The following TLN2 variants were observed in gnomAD, a reference collection of about 807,000 sequenced individuals.
TLN2 encodes the protein talin-2.
In TLN2, 118 loss-of-function variants were observed where a neutral mutation model predicts 294.7. The ratio of observed to expected loss-of-function variants is 0.40; its 90% confidence interval spans 0.34 to 0.47. The LOEUF (loss-of-function observed/expected upper bound fraction) is 0.47. Ranked by LOEUF, TLN2 falls within the 20% of genes least tolerant of loss-of-function variation. TLN2 has a pLI of 0.84. For missense variants in TLN2, 3,083 were observed against 3,282.2 expected, an observed-to-expected ratio of 0.94 and a Z score of 1.48; for synonymous variants, 1,431 against 1,304.5, an observed-to-expected ratio of 1.10 and a Z score of -2.09.
At chr15:62,485,033 A>C (rs2038315159) in intron 1 of TLN2, among the ~76,000 whole-genome samples, 1 of 152,012 alleles carries the variant, frequency 6.6e-6, no homozygotes. Context: ...AGCCTGCATC[A>C]CTCAGCTGGG....
intron 43 of TLN2, among the ~76,000 whole-genome samples, chr15:62,780,503 C>T (rs2064068313): frequency 6.6e-6 from 1 of 152,188 alleles, no homozygotes; most frequent in South Asian, 2.1e-4. Context: ...ATCTCCTACA[C>T]CAATATGTCC....
At chr15:62,521,506 G>T (rs565103106) in intron 1 of TLN2, among the ~76,000 whole-genome samples, 120 of 152,280 alleles carry the variant, frequency 7.9e-4, no homozygotes, top group African/African-American at 2.8e-3. Context: ...TGGATTCAAA[G>T]ATTTTCTAAT....
intron 3 of TLN2, among the ~76,000 whole-genome samples, chr15:62,639,540 G>A (rs1381264167): frequency 6.6e-6 from 1 of 152,220 alleles, no homozygotes; most frequent in East Asian, 1.9e-4. Context: ...GGAGAACTGA[G>A]GGATTCTTAC....
intron 1 of TLN2, among the ~76,000 whole-genome samples, chr15:62,542,265 C>T (rs1210007048): frequency 6.6e-6 from 1 of 152,166 alleles, no homozygotes; most frequent in Non-Finnish European, 1.5e-5. Context: ...GATCTCGGCT[C>T]ACTGCAAGCT....
intron 1 of TLN2, among the ~76,000 whole-genome samples, chr15:62,474,713 G>A (rs573155495): frequency 1.3e-5 from 2 of 152,266 alleles, no homozygotes; most frequent in South Asian, 2.1e-4. Context: ...GGCTGTTGAC[G>A]ATTCCTTGAA....
rs375112567 is a variant in TLN2, at chr15:62,767,885, G to C, written c.5196+1463G>C. 3.3e-5 allele frequency among the ~76,000 whole-genome samples: 5 copies of C among 152,312 alleles called. No homozygotes were observed. The East Asian group carries it at 5.8e-4, about 18-fold the overall frequency. On this transcript the variant is annotated intron_variant, in intron 41 of 58. Coordinates refer to ENST00000636159, the MANE Select transcript of TLN2 (RefSeq NM_015059.3). ...GGAGGACAATACCCATGTCTCTGCG[G>C]ATACTTCATTAGTATACAAGATTAA...
intron 38 of TLN2, among the ~76,000 whole-genome samples, 194 bp downstream of exon 38, chr15:62,762,015 G>A (rs1344714277): frequency 6.6e-6 from 1 of 152,186 alleles, no homozygotes; most frequent in African/African-American, 2.4e-5. Flanking sequence ...CATATATGTA[G>A]AGAACAATCT....
chr15:62,479,499 CAG>C (rs1335211949), intron 1 of TLN2, among the ~76,000 whole-genome samples: 68 of 151,858 alleles, frequency 4.5e-4, no homozygotes, highest in Non-Finnish European at 8.8e-5. Context: ...TTTTTTGAGA[CAG>C]AGTCTTTCTC....
chr15:62,816,530 G>A (rs918191600), intron 52 of TLN2, among the ~76,000 whole-genome samples: 1 of 152,310 alleles, frequency 6.6e-6, no homozygotes, highest in East Asian at 1.9e-4. Context: ...TATCAGGGCT[G>A]TTCCCTGTCT....
At chr15:62,706,710 G>A (rs1004214705) in intron 19 of TLN2, among the ~76,000 whole-genome samples, 7 of 152,324 alleles carry the variant, frequency 4.6e-5, no homozygotes, top group Middle Eastern at 3.4e-3. Flanking sequence ...GGCACATGAT[G>A]TTGTGGCATC....
chr15:62,640,160 C>G (rs2050853878), intron 3 of TLN2: 1 of 455,532 alleles, frequency 2.2e-6, no homozygotes, highest in African/African-American at 2.0e-5. Context: ...GGGTTCTTAC[C>G]TGCAGAGGAG....
rs756873245 is a variant in TLN2, at chr15:62,763,653, C to T, written c.5052C>T (p.Ala1684=). 38 of 1,612,810 alleles carry T rather than the reference C, an allele frequency of 2.4e-5. 1 individual carries two copies. Among genetic ancestry groups the T allele is most frequent in the South Asian group, 1.9e-4 (17 of 90,892 alleles). ...IRDIEQASLA[A]VSQSLATRDD... ...ACATCGAGCAGGCCTCGCTGGCCGCCGTCAGCCAGAGCCTGGCCACGAGGG... is the reference window on the plus strand; with the variant it reads ...ACATCGAGCAGGCCTCGCTGGCCGCTGTCAGCCAGAGCCTGGCCACGAGGG... Residue 1684 remains alanine (A), a synonymous_variant, in exon 40 of 59, where the codon GCC becomes GCT. Transcript: ENST00000636159.
intron 1 of TLN2, among the ~76,000 whole-genome samples, chr15:62,472,074 C>G (rs1264806120): frequency 6.6e-6 from 1 of 152,168 alleles, no homozygotes; most frequent in Non-Finnish European, 1.5e-5. Context: ...CTGATTTCCC[C>G]TGATTCAGCT....
chr15:62,652,052 G>A lies in TLN2; in HGVS notation c.282G>A (p.Met94Ile), dbSNP rs775044605. Reference sequence around the variant, plus strand: ...AACAGAGACCTCAGAAAATCCGGATGCTGGATGGATCTGTGAAGACAGTGA... The same window carrying A: ...AACAGAGACCTCAGAAAATCCGGATACTGGATGGATCTGTGAAGACAGTGA... Reference protein sequence around the residue: ...KKKQRPQKIRMLDGSVKTVMV... With the variant: ...KKKQRPQKIRILDGSVKTVMV... The change falls in exon 6 of 59, where the codon ATG (methionine) becomes ATA (isoleucine). Residue 94 changes from methionine (M) to isoleucine (I), a missense_variant. Transcript: ENST00000636159. 2 of 1,611,922 alleles carry A rather than the reference G, an allele frequency of 1.2e-6. No individual in the cohort carries two copies. Among genetic ancestry groups the A allele is most frequent in the Non-Finnish European group, 1.7e-6 (2 of 1,178,654 alleles).
chr15:62,709,585 A>C (rs1011340862), intron 21 of TLN2, among the ~76,000 whole-genome samples: 2 of 152,226 alleles, frequency 1.3e-5, no homozygotes, highest in East Asian at 1.9e-4. Flanking sequence ...CCTAATATAC[A>C]GTCAGTTTAA....
intron 28 of TLN2, among the ~76,000 whole-genome samples, chr15:62,727,444 AGGTCTATCTGTGAATCCT>A (rs1449658916): frequency 6.6e-6 from 1 of 152,254 alleles, no homozygotes; most frequent in Non-Finnish European, 1.5e-5. Context: ...GTAGACTTCC[AGGTCTATCTGTGAATCCT>A]GGAATCCCGC....
chr15:62,619,859 T>G (rs1048807241), intron 3 of TLN2, among the ~76,000 whole-genome samples: 7 of 152,194 alleles, frequency 4.6e-5, no homozygotes, highest in African/African-American at 1.7e-4. Context: ...GGACACCAAG[T>G]TTGTGGTCAT....
intron 1 of TLN2, among the ~76,000 whole-genome samples, chr15:62,414,960 G>A (rs2033993175): frequency 7.1e-6 from 1 of 140,934 alleles, no homozygotes; most frequent in South Asian, 2.7e-4. Context: ...TGCCCAGGCT[G>A]GAGTGCAATG....
chr15:62,623,520 C>G (rs932685693), intron 3 of TLN2, among the ~76,000 whole-genome samples: 7 of 152,120 alleles, frequency 4.6e-5, no homozygotes, highest in African/African-American at 1.7e-4. Context: ...ATATGAAATC[C>G]TAGACCTTTA....
Sources: allele counts gnomAD v4.1 joint callset (sites outside exome capture counted in the v4.1 genomes callset), GRCh38; gene constraint gnomAD v4.1.1; transcripts MANE v1.5; gene names NCBI Gene and HGNC (gene_info 2026-07-23, HGNC 2026-07-21).